RARB: variants seen among roughly 807,000 people sequenced by gnomAD.
The protein encoded by RARB is retinoic acid receptor beta, also known as HBV-activated protein.
RARB carries 17 observed loss-of-function variants against 51.9 expected under a neutral mutation model. The observed-to-expected ratio is 0.33, with a 90% CI of 0.22 to 0.49. The LOEUF (loss-of-function observed/expected upper bound fraction) is 0.49, where lower values mean the gene tolerates loss of function less well. RARB is among the 20% of genes least tolerant of loss of function. The pLI is 0.99. For synonymous variants in RARB, 215 were observed against 195.4 expected (o/e 1.10, Z -0.84); for missense variants, 369 against 550.8 (o/e 0.67, Z 3.30).
At chr3:25,043,712 A>G (rs1262255127) in intron 2 of RARB, among the ~76,000 whole-genome samples, 1 of 152,346 alleles carries the variant, frequency 6.6e-6, no homozygotes, top group East Asian at 1.9e-4. Context: ...CATTATAAGC[A>G]AAGGTACCCT....
intron 3 of RARB, among the ~76,000 whole-genome samples, chr3:25,516,883 T>C (rs1008293905): frequency 6.6e-6 from 1 of 152,196 alleles, no homozygotes; most frequent in Non-Finnish European, 1.5e-5. Flanking sequence ...CACCTCGCCC[T>C]CCCAAAGTGT....
chr3:25,399,321 A>G (rs966384597), intron 5 of RARB, among the ~76,000 whole-genome samples: 9 of 152,054 alleles, frequency 5.9e-5, no homozygotes, highest in African/African-American at 2.2e-4. Flanking sequence ...CAGTGTAGCA[A>G]TTTGCACATT....
intron 2 of RARB, among the ~76,000 whole-genome samples, chr3:24,969,759 G>A (rs1458648158): frequency 6.6e-6 from 1 of 152,100 alleles, no homozygotes; most frequent in Admixed American, 6.6e-5. Flanking sequence ...TTCTGCTTCA[G>A]AGCTTTGGAT....
intron 4 of RARB, among the ~76,000 whole-genome samples, chr3:25,153,726 G>A (rs929589406): frequency 2.6e-5 from 4 of 152,138 alleles, no homozygotes; most frequent in Non-Finnish European, 5.9e-5. Flanking sequence ...CAGAGCACAG[G>A]CCTCCCAAAG....
At chr3:25,061,656 G>A (rs1406720002) in intron 3 of RARB, among the ~76,000 whole-genome samples, 1 of 151,536 alleles carries the variant, frequency 6.6e-6, no homozygotes, top group Non-Finnish European at 1.5e-5. Context: ...AATGTAAGCT[G>A]GAATAATGCT....
chr3:25,183,201 C>CTTA (rs773520783), intron 5 of RARB, among the ~76,000 whole-genome samples: 23 of 152,128 alleles, frequency 1.5e-4, no homozygotes, highest in Admixed American at 5.9e-4. Flanking sequence ...TAATTTTGTC[C>CTTA]TTATAATGAC....
At chr3:25,412,505 G>A (rs776169000) in intron 5 of RARB, among the ~76,000 whole-genome samples, 3 of 152,110 alleles carry the variant, frequency 2.0e-5, no homozygotes, top group Non-Finnish European at 4.4e-5. Flanking sequence ...CAAGACTGTT[G>A]ACCAGAGTAG....
chr3:25,264,538 G>A (rs545761853), intron 5 of RARB, among the ~76,000 whole-genome samples: 12 of 152,102 alleles, frequency 7.9e-5, no homozygotes, highest in African/African-American at 1.4e-4. Flanking sequence ...TAATTACTTC[G>A]AAGCCAAAAT....
chr3:25,556,335 A>C (rs1349206314), intron 3 of RARB, among the ~76,000 whole-genome samples: 1 of 152,192 alleles, frequency 6.6e-6, no homozygotes, highest in East Asian at 1.9e-4. Flanking sequence ...TCATATGCTG[A>C]GACTGACCTG....
rs146615866 is a variant in RARB, at chr3:25,372,892, G to A, written c.179-88301G>A. Among the ~76,000 whole-genome samples, 4 of 152,288 alleles carry A rather than the reference G, an allele frequency of 2.6e-5. No individual in the cohort carries two copies. The East Asian group carries it at 7.7e-4, about 29-fold the overall frequency. On this transcript the variant is annotated intron_variant, in intron 5 of 11. Coordinates refer to the RARB transcript ENST00000383772. ...TTTAAAGAGTGAAATGGATAGATTT[G>A]CAATATGCATTGTAGGTAAAGTCAC...
intron 5 of RARB, among the ~76,000 whole-genome samples, chr3:25,332,220 A>C (rs1375832140): frequency 2.0e-5 from 3 of 152,168 alleles, no homozygotes; most frequent in Non-Finnish European, 2.9e-5. Flanking sequence ...GAGACACAAC[A>C]AAAAAAGAGA....
intron 2 of RARB, among the ~76,000 whole-genome samples, chr3:25,038,709 C>G (rs1698054131): frequency 6.6e-6 from 1 of 152,046 alleles, no homozygotes; most frequent in South Asian, 2.1e-4. Flanking sequence ...GAAACTTGTC[C>G]TTTTTTTCTT....
intron 5 of RARB, among the ~76,000 whole-genome samples, chr3:25,412,892 G>A (rs919598486): frequency 3.3e-5 from 5 of 152,138 alleles, no homozygotes; most frequent in African/African-American, 1.2e-4. Flanking sequence ...GGTGGCGCAT[G>A]CCTGTAATCC....
intron 3 of RARB, among the ~76,000 whole-genome samples, chr3:25,070,396 T>C (rs1698744539): frequency 1.3e-5 from 2 of 152,194 alleles, no homozygotes; most frequent in South Asian, 2.1e-4. Flanking sequence ...CTGTGACTAT[T>C]AGCGATATTT....
At chr3:25,497,741 C>T (rs999671683) in intron 2 of RARB, among the ~76,000 whole-genome samples, 3 of 152,154 alleles carry the variant, frequency 2.0e-5, no homozygotes, top group Admixed American at 6.5e-5. Flanking sequence ...TCAGGTTGCT[C>T]CTCCAAATGG....
chr3:25,082,902 T>C (rs971377965), intron 3 of RARB, among the ~76,000 whole-genome samples: 2 of 152,096 alleles, frequency 1.3e-5, no homozygotes, highest in Non-Finnish European at 2.9e-5. Flanking sequence ...CTTCTTAATA[T>C]CACCTTTATT....
intron 7 of RARB, 77 bp from the exon 8 acceptor site, chr3:25,596,343 A>T (rs894785059): frequency 1.7e-6 from 2 of 1,158,944 alleles, no homozygotes; most frequent in Non-Finnish European, 2.5e-6. Flanking sequence ...GTTAAAATAT[A>T]TGAAAATTGG....
intron 2 of RARB, among the ~76,000 whole-genome samples, chr3:25,494,501 A>G (rs922581325): frequency 6.6e-6 from 1 of 152,154 alleles, no homozygotes; most frequent in Non-Finnish European, 1.5e-5. Context: ...TGTGTCTGCA[A>G]TATGTGGATC....
At chr3:24,928,058 T>G (rs1276676700) in intron 2 of RARB, among the ~76,000 whole-genome samples, 3 of 152,044 alleles carry the variant, frequency 2.0e-5, no homozygotes. Flanking sequence ...AACAGAGCAT[T>G]GCAAGTCAAA....
Sources: gnomAD v4.1 joint callset for allele counts (sites outside exome capture counted in the v4.1 genomes callset) on GRCh38, gnomAD v4.1.1 for gene constraint, MANE v1.5 for transcripts, NCBI Gene and HGNC (gene_info 2026-07-23, HGNC 2026-07-21) for gene names.